FAR1: variants seen among roughly 807,000 people sequenced by gnomAD.
The protein encoded by FAR1 is male sterility domain-containing protein 2.
A neutral mutation model predicts 61.1 loss-of-function variants in FAR1; 22 were observed. That is an observed-to-expected ratio of 0.36 (90% CI 0.26 to 0.51). The LOEUF (loss-of-function observed/expected upper bound fraction) is 0.51. Among genes scored for constraint, FAR1 ranks in the 20% least tolerant of loss-of-function variants. FAR1 has a pLI of 0.95. For synonymous variants in FAR1, 206 were observed against 209.7 expected, an observed-to-expected ratio of 0.98 and a Z score of 0.15; for missense variants, 359 against 626.9, an observed-to-expected ratio of 0.57 and a Z score of 4.56.
chr11:13,731,879 T>G lies in FAR1; in HGVS notation c.*3105T>G, dbSNP rs1565356270. 1 of 152,178 alleles carries G rather than the reference T, an allele frequency of 6.6e-6. No individual in the cohort carries two copies. The highest frequency in any genetic ancestry group is 2.1e-4 in the South Asian group (1 of 4,836). 9.4% of individuals were successfully genotyped at this position (152,178 alleles called of 1,614,324 possible). ...ATGTCTATAGAGTAAGTATAAGAGA[T>G]AATTCATTAGTAATAGGAATTAACT... On this transcript the variant is annotated 3_prime_UTR_variant, in exon 12 of 12. Coordinates refer to ENST00000354817, the MANE Select transcript of FAR1 (RefSeq NM_032228.6).
chr11:13,703,092 T>C (rs1046310580), intron 3 of FAR1, among the ~76,000 whole-genome samples: 2 of 152,232 alleles, frequency 1.3e-5, no homozygotes, highest in Non-Finnish European at 1.5e-5. Flanking sequence ...CAAGTGGTGA[T>C]AGGACATTAG....
At chr11:13,691,446 G>A (rs899772758) in intron 1 of FAR1, among the ~76,000 whole-genome samples, 2 of 152,180 alleles carry the variant, frequency 1.3e-5, no homozygotes, top group African/African-American at 4.8e-5. Context: ...ATTCAGTGTT[G>A]TGCAACTGCC....
At chr11:13,698,380 A>G (rs1848331218) in intron 2 of FAR1, among the ~76,000 whole-genome samples, 1 of 152,226 alleles carries the variant, frequency 6.6e-6, no homozygotes, top group South Asian at 2.1e-4. Flanking sequence ...CAAAATGACT[A>G]CATCCTGAAT....
intron 1 of FAR1, among the ~76,000 whole-genome samples, chr11:13,687,025 CAG>C (rs1466863061): frequency 1.3e-5 from 2 of 152,158 alleles, no homozygotes; most frequent in African/African-American, 4.8e-5. Flanking sequence ...TGCTAAATTG[CAG>C]AGTTTGGACT....
At chr11:13,670,049 C>A (rs1194668422) in intron 1 of FAR1, 1 of 151,946 alleles carries the variant, frequency 6.6e-6, no homozygotes, top group Non-Finnish European at 1.5e-5. Flanking sequence ...TAAGTACAAT[C>A]CTGATGTATT....
chr11:13,713,910 T>C (rs1308831080), intron 8 of FAR1, among the ~76,000 whole-genome samples: 1 of 152,146 alleles, frequency 6.6e-6, no homozygotes, highest in Non-Finnish European at 1.5e-5. Flanking sequence ...TGTAATCTTT[T>C]ATTGTGTTAT....
intron 3 of FAR1, among the ~76,000 whole-genome samples, chr11:13,703,198 T>C (rs1235690085): frequency 6.6e-6 from 1 of 152,148 alleles, no homozygotes; most frequent in East Asian, 1.9e-4. Flanking sequence ...TTGTTTTTGT[T>C]TGAGATAGGG....
chr11:13,716,837 A>G (rs1848562531), intron 9 of FAR1, among the ~76,000 whole-genome samples: 1 of 152,080 alleles, frequency 6.6e-6, no homozygotes, highest in Non-Finnish European at 1.5e-5. Context: ...ACGTGTGCAC[A>G]ACGTGCAGAT....
intron 4 of FAR1, among the ~76,000 whole-genome samples, chr11:13,708,747 C>A (rs1458315700): frequency 6.6e-6 from 1 of 151,980 alleles, no homozygotes; most frequent in East Asian, 1.9e-4. Context: ...CAAAGGATTC[C>A]CCTCACCACC....
chr11:13,677,614 T>G (rs1451882067), intron 1 of FAR1, among the ~76,000 whole-genome samples: 1 of 152,204 alleles, frequency 6.6e-6, no homozygotes, highest in Non-Finnish European at 1.5e-5. Context: ...ATTTGGTTCA[T>G]GTGGAAAGGC....
intron 1 of FAR1, among the ~76,000 whole-genome samples, chr11:13,680,014 T>A (rs938470533): frequency 5.3e-5 from 8 of 152,110 alleles, no homozygotes; most frequent in African/African-American, 1.9e-4. Flanking sequence ...GCAAACAAAG[T>A]GGCCATTATA....
chr11:13,692,132 A>C (rs2134178022), intron 1 of FAR1, among the ~76,000 whole-genome samples: 1 of 152,332 alleles, frequency 6.6e-6, no homozygotes, highest in African/African-American at 2.4e-5. Flanking sequence ...GTGTCACTGC[A>C]CTTCAGCCTG....
In FAR1 at chr11:13,714,495, CT is replaced by C; in HGVS notation, c.956-10del. On this transcript the variant is annotated splice_polypyrimidine_tract_variant and intron_variant, in intron 8 of 11. Coordinates refer to ENST00000354817, the MANE Select transcript of FAR1 (RefSeq NM_032228.6). ...GGTTATTATCAAAGCTGTTACACAA[CT>C]TTTCTTCTTCAGAGTACCATGTAAT... is the stretch of plus-strand genomic sequence containing the variant. 6 of 1,595,080 alleles carry C rather than the reference CT, an allele frequency of 3.8e-6. No homozygotes were observed. The highest frequency in any genetic ancestry group is 5.1e-6 in the Non-Finnish European group (6 of 1,173,756).
At position 13,712,066 on chromosome 11, in the gene FAR1, C is replaced by T. The variant is rs757870151; in HGVS notation, c.887+20C>T. 1.0e-5 allele frequency: 15 copies of T among 1,485,892 alleles called. No homozygotes were observed. The highest frequency in any genetic ancestry group is 1.7e-4 in the Middle Eastern group (1 of 5,838). The allele number at this position is 1,485,892 out of a possible 1,614,324, so 92.0% of individuals were successfully genotyped here. Reference sequence around the variant, plus strand: ...TAATAGGTATATGAGGTGACAATGTCGCTTATTAAATATATAGTAACTGAA... The same window carrying T: ...TAATAGGTATATGAGGTGACAATGTTGCTTATTAAATATATAGTAACTGAA... On this transcript the variant is annotated intron_variant, in intron 7 of 11. Coordinates refer to ENST00000354817, the MANE Select transcript of FAR1 (RefSeq NM_032228.6).
chr11:13,682,241 G>A (rs538857226), intron 1 of FAR1, among the ~76,000 whole-genome samples: 2 of 152,272 alleles, frequency 1.3e-5, no homozygotes, highest in East Asian at 1.9e-4. Flanking sequence ...AGTAACAATA[G>A]TAGTAGTGAA....
chr11:13,705,947 A>G (rs1440226340), intron 3 of FAR1, among the ~76,000 whole-genome samples: 1 of 152,140 alleles, frequency 6.6e-6, no homozygotes, highest in Non-Finnish European at 1.5e-5. Flanking sequence ...ATAGACATCA[A>G]AGCACTGCTT....
intron 1 of FAR1, chr11:13,685,397 T>C (rs1275762636): frequency 5.5e-6 from 1 of 182,802 alleles, no homozygotes; most frequent in African/African-American, 2.4e-5. Context: ...CAATAAGACG[T>C]GTCCAACTGT....
chr11:13,710,568 T>G (rs1426452763), intron 4 of FAR1, 125 bp from the exon 5 acceptor site: 3 of 773,530 alleles, frequency 3.9e-6, no homozygotes, highest in Non-Finnish European at 5.8e-6. Flanking sequence ...CATTTTTCAG[T>G]AAAAGTTGTC....
intron 3 of FAR1, 40 bp from the exon 4 acceptor site, chr11:13,707,860 G>A: frequency 7.1e-7 from 1 of 1,414,374 alleles, no homozygotes; most frequent in Non-Finnish European, 9.4e-7. Flanking sequence ...AAATAACATA[G>A]CTTCCCAATT....
Sources: gnomAD v4.1 joint callset for allele counts (sites outside exome capture counted in the v4.1 genomes callset) on GRCh38, gnomAD v4.1.1 for gene constraint, MANE v1.5 for transcripts, NCBI Gene and HGNC (gene_info 2026-07-23, HGNC 2026-07-21) for gene names.